The following ATG10 variants were observed in gnomAD, a reference collection of about 807,000 sequenced individuals.
The protein encoded by ATG10 is ubiquitin-like-conjugating enzyme ATG10.
A neutral mutation model predicts 32.1 loss-of-function variants in ATG10; 30 were observed. The observed-to-expected ratio is 0.94, with a 90% confidence interval of 0.70 to 1.27. The LOEUF (loss-of-function observed/expected upper bound fraction) is 1.27, where lower values mean the gene tolerates loss of function less well. Ranked by LOEUF, ATG10 falls within the 50% of genes most tolerant of loss-of-function variation. ATG10 has a pLI of 0.00. For synonymous variants in ATG10, 87 were observed against 91.5 expected (o/e 0.95, Z 0.28); for missense variants, 233 against 262.3 (o/e 0.89, Z 0.77).
chr5:81,976,859 C>G (rs1283246731), intron 1 of ATG10, among the ~76,000 whole-genome samples: 1 of 152,126 alleles, frequency 6.6e-6, no homozygotes, highest in Non-Finnish European at 1.5e-5. Flanking sequence ...TAACCATTGT[C>G]TGCTTAAATA....
intron 3 of ATG10, among the ~76,000 whole-genome samples, chr5:82,071,409 TCAAC>T (rs1364853871): frequency 7.9e-5 from 12 of 152,122 alleles, no homozygotes; most frequent in Non-Finnish European, 1.3e-4. Flanking sequence ...TATGAACCTA[TCAAC>T]CGATCCTGGC....
At chr5:81,982,991 C>T (rs1761103317) in intron 1 of ATG10, among the ~76,000 whole-genome samples, 1 of 152,256 alleles carries the variant, frequency 6.6e-6, no homozygotes, top group South Asian at 2.1e-4. Context: ...ATTTCTCAGT[C>T]TTTTCCCCAC....
At chr5:82,241,107 G>A (rs1301634744) in intron 5 of ATG10, among the ~76,000 whole-genome samples, 2 of 152,100 alleles carry the variant, frequency 1.3e-5, no homozygotes, top group Non-Finnish European at 2.9e-5. Flanking sequence ...CATAAAACCC[G>A]AATAGACAAA....
At chr5:82,144,999 C>CT (rs948276474) in intron 3 of ATG10, among the ~76,000 whole-genome samples, 52 of 151,994 alleles carry the variant, frequency 3.4e-4, no homozygotes, top group African/African-American at 1.1e-3. Flanking sequence ...TGACTGATGA[C>CT]TATTTGAAAA....
chr5:82,101,689 G>C (rs147318308), intron 3 of ATG10, among the ~76,000 whole-genome samples: 1 of 152,230 alleles, frequency 6.6e-6, no homozygotes, highest in East Asian at 1.9e-4. Flanking sequence ...CTTTTTTAGA[G>C]GTACTGATGT....
intron 2 of ATG10, among the ~76,000 whole-genome samples, chr5:82,050,105 CATT>C (rs1046750422): frequency 2.0e-5 from 3 of 151,938 alleles, no homozygotes; most frequent in African/African-American, 7.2e-5. Context: ...ATATAAATGG[CATT>C]GTTGTTCTAT....
At chr5:82,055,028 G>A (rs1763547597) in intron 2 of ATG10, among the ~76,000 whole-genome samples, 1 of 152,072 alleles carries the variant, frequency 6.6e-6, no homozygotes, top group Non-Finnish European at 1.5e-5. Context: ...GTGGACTGCA[G>A]GGCTGACAAG....
At chr5:81,991,804 A>G (rs1761469379) in intron 2 of ATG10, among the ~76,000 whole-genome samples, 1 of 152,082 alleles carries the variant, frequency 6.6e-6, no homozygotes, top group South Asian at 2.1e-4. Context: ...TCAAAAAAAA[A>G]AAAAACTTAT....
chr5:82,093,636 T>C (rs1284046667), intron 3 of ATG10, among the ~76,000 whole-genome samples: 1 of 152,196 alleles, frequency 6.6e-6, no homozygotes, highest in East Asian at 1.9e-4. Flanking sequence ...ATCTTCATTA[T>C]AGCTCATATT....
chr5:82,177,337 C>T (rs1322523027), intron 4 of ATG10, among the ~76,000 whole-genome samples: 1 of 152,156 alleles, frequency 6.6e-6, no homozygotes, highest in Non-Finnish European at 1.5e-5. Flanking sequence ...CAACATCATA[C>T]ATTTCTACTT....
In ATG10 at chr5:82,153,495, C is replaced by G. The variant is rs975922219; in HGVS notation, c.217-10904C>G. Reference sequence around the variant, plus strand: ...GGATAATCAGAGGTGACAGGGGTGACAGATTCTAAGTGATTAGGCAATCTG... The same window carrying G: ...GGATAATCAGAGGTGACAGGGGTGAGAGATTCTAAGTGATTAGGCAATCTG... On this transcript the variant is annotated intron_variant, in intron 3 of 7. Transcript: ENST00000282185. 3.3e-4 allele frequency among the ~76,000 whole-genome samples: 50 copies of G among 152,166 alleles called. 1 individual carries two copies. In the South Asian group the frequency reaches 5.4e-3, roughly 16 times the overall value.
intron 3 of ATG10, among the ~76,000 whole-genome samples, chr5:82,089,149 C>T (rs116575400): frequency 0.013 from 1,923 of 151,986 alleles, 16 homozygotes; most frequent in Non-Finnish European, 0.021. Flanking sequence ...GTCGGGAGTT[C>T]GAGACACACA....
chr5:82,197,459 T>TCTAC (rs10592620), intron 5 of ATG10, among the ~76,000 whole-genome samples: 4,715 of 148,694 alleles, frequency 0.032, 86 homozygotes, highest in Non-Finnish European at 0.037. Flanking sequence ...TATCTGTCTA[T>TCTAC]CTACCTACCT....
chr5:82,238,532 A>C (rs887652876), intron 5 of ATG10, among the ~76,000 whole-genome samples: 5 of 152,206 alleles, frequency 3.3e-5, no homozygotes, highest in African/African-American at 1.2e-4. Context: ...TAAGATAATT[A>C]GCTGCTGTTT....
At chr5:82,063,371 T>G (rs1345486113) in intron 3 of ATG10, among the ~76,000 whole-genome samples, 1 of 152,166 alleles carries the variant, frequency 6.6e-6, no homozygotes, top group Non-Finnish European at 1.5e-5. Flanking sequence ...AATTAATGTT[T>G]TATCTTAATA....
At chr5:82,008,706 A>G (rs984616646) in intron 2 of ATG10, among the ~76,000 whole-genome samples, 11 of 152,218 alleles carry the variant, frequency 7.2e-5, no homozygotes, top group Admixed American at 3.9e-4. Flanking sequence ...TGGTGAGTTT[A>G]TCAAGCCCAG....
At chr5:82,034,193 A>C (rs1762840319) in intron 2 of ATG10, among the ~76,000 whole-genome samples, 1 of 151,866 alleles carries the variant, frequency 6.6e-6, no homozygotes, top group Admixed American at 6.6e-5. Flanking sequence ...AGTCATCACA[A>C]ATTTAACTCA....
intron 4 of ATG10, among the ~76,000 whole-genome samples, chr5:82,165,280 T>G (rs1417285236): frequency 1.3e-5 from 2 of 152,166 alleles, no homozygotes; most frequent in Non-Finnish European, 2.9e-5. Context: ...TTGCCCTATT[T>G]CTCCTTTTGT....
chr5:82,114,485 C>T lies in ATG10; in HGVS notation c.217-49914C>T, dbSNP rs192125558. Among the ~76,000 whole-genome samples, 215 of 152,148 alleles carry T rather than the reference C, an allele frequency of 1.4e-3. 2 individuals are homozygous for T. Among genetic ancestry groups the T allele is most frequent in the African/African-American group, 4.9e-3 (203 of 41,530 alleles). On this transcript the variant is annotated intron_variant, in intron 3 of 7. Transcript: ENST00000282185. The stretch of plus-strand genomic sequence containing the variant: ...GCCCACAATAGCAATAATAATTTTT[C>T]CTAGTGTTCATTGTATAAAATTACA...
Sources: gnomAD v4.1 joint callset for allele counts (sites outside exome capture counted in the v4.1 genomes callset) on GRCh38, gnomAD v4.1.1 for gene constraint, MANE v1.5 for transcripts, NCBI Gene and HGNC (gene_info 2026-07-23, HGNC 2026-07-21) for gene names.